MRPL42: variants seen among roughly 807,000 people sequenced by gnomAD.
MRPL42 encodes large ribosomal subunit protein mL42.
MRPL42 carries 17 observed loss-of-function variants against 17.9 expected under a neutral mutation model. The observed-to-expected ratio is 0.95, with a 90% CI of 0.65 to 1.42. The LOEUF (loss-of-function observed/expected upper bound fraction) is 1.42, where lower values mean the gene tolerates loss of function less well. Among genes scored for constraint, MRPL42 ranks in the 40% most tolerant of loss-of-function variants. MRPL42 has a pLI of 0.00. For synonymous variants in MRPL42, 59 were observed against 54.4 expected, an observed-to-expected ratio of 1.08 and a Z score of -0.37; for missense variants, 177 against 175.2, an observed-to-expected ratio of 1.01 and a Z score of -0.06.
At chr12:93,496,830 G>A (rs1953515685) in intron 5 of MRPL42, among the ~76,000 whole-genome samples, 1 of 151,528 alleles carries the variant, frequency 6.6e-6, no homozygotes, top group African/African-American at 2.4e-5. Context: ...GGGGCGGGTG[G>A]GGACGGAGTT....
At chr12:93,490,615 G>A (rs1283175154) in intron 5 of MRPL42, among the ~76,000 whole-genome samples, 1 of 152,166 alleles carries the variant, frequency 6.6e-6, no homozygotes, top group Non-Finnish European at 1.5e-5. Context: ...GTTTCTGGAT[G>A]TCAGTGGCCA....
chr12:93,501,012 C>A, intron 5 of MRPL42, 164 bp from the exon 6 acceptor site: 1 of 546,806 alleles, frequency 1.8e-6, no homozygotes, highest in Non-Finnish European at 3.2e-6. Flanking sequence ...AACAAATTTT[C>A]ACAATGGGAG....
At chr12:93,479,343 C>G in intron 3 of MRPL42, 45 bp from the exon 4 acceptor site, 1 of 1,399,684 alleles carries the variant, frequency 7.1e-7, no homozygotes, top group Non-Finnish European at 9.8e-7. Context: ...ATCATTTTGC[C>G]TTGAATACAG....
intron 2 of MRPL42, among the ~76,000 whole-genome samples, chr12:93,473,380 G>T (rs1194605257): frequency 1.3e-5 from 2 of 151,410 alleles, no homozygotes; most frequent in African/African-American, 4.9e-5. Flanking sequence ...TGCTATCTCA[G>T]TCTCCCAAGT....
At chr12:93,489,413 G>A (rs191565554) in intron 5 of MRPL42, among the ~76,000 whole-genome samples, 69 of 152,132 alleles carry the variant, frequency 4.5e-4, no homozygotes, top group African/African-American at 1.6e-3. Context: ...TAATAAAAGT[G>A]ATTTTTTTGT....
chr12:93,472,246 C>G, intron 2 of MRPL42, among the ~76,000 whole-genome samples: 1 of 152,162 alleles, frequency 6.6e-6, no homozygotes, highest in East Asian at 1.9e-4. Flanking sequence ...GACCTAACTT[C>G]TTATATCCGA....
At chr12:93,485,143 G>A (rs892596514) in intron 4 of MRPL42, among the ~76,000 whole-genome samples, 1 of 145,806 alleles carries the variant, frequency 6.9e-6, no homozygotes, top group African/African-American at 2.5e-5. Flanking sequence ...GTGAGCCACT[G>A]CACGTGGCCC....
chr12:93,478,942 A>ATTTATTTG (rs1282970400), intron 3 of MRPL42, among the ~76,000 whole-genome samples: 3 of 76,564 alleles, frequency 3.9e-5, no homozygotes, highest in African/African-American at 1.1e-4. Flanking sequence ...TTATTTATTT[A>ATTTATTTG]TTTTTTTGAG....
chr12:93,486,819 CT>C (rs1565814641), intron 4 of MRPL42, among the ~76,000 whole-genome samples: 3 of 151,556 alleles, frequency 2.0e-5, no homozygotes, highest in South Asian at 4.2e-4. Flanking sequence ...TGAGGGCTTT[CT>C]TTTTTTCTTT....
intron 4 of MRPL42, among the ~76,000 whole-genome samples, chr12:93,482,527 C>G (rs1325976028): frequency 6.6e-6 from 1 of 152,006 alleles, no homozygotes; most frequent in Non-Finnish European, 1.5e-5. Flanking sequence ...CCTTCCTCTT[C>G]ATGCTTAAGG....
intron 2 of MRPL42, among the ~76,000 whole-genome samples, chr12:93,475,214 A>T (rs1290080010): frequency 2.0e-5 from 3 of 151,990 alleles, no homozygotes; most frequent in African/African-American, 7.3e-5. Context: ...TCCCGGGTTC[A>T]AGTGATTCTC....
chr12:93,491,866 G>T (rs1247845233), intron 5 of MRPL42, among the ~76,000 whole-genome samples: 1 of 152,310 alleles, frequency 6.6e-6, no homozygotes, highest in East Asian at 1.9e-4. Flanking sequence ...AGAACGTGTG[G>T]TATTTGGTTT....
intron 2 of MRPL42, among the ~76,000 whole-genome samples, chr12:93,476,010 AAAG>A (rs557116293): frequency 4.5e-4 from 68 of 152,230 alleles, no homozygotes; most frequent in African/African-American, 1.6e-3. Flanking sequence ...AACAACAAAA[AAAG>A]AAAAACAATT....
At chr12:93,497,442 A>G (rs951915954) in intron 5 of MRPL42, among the ~76,000 whole-genome samples, 1 of 152,224 alleles carries the variant, frequency 6.6e-6, no homozygotes, top group Non-Finnish European at 1.5e-5. Context: ...AAATAAATAA[A>G]TGTGATACAT....
At chr12:93,478,939 TTTA>T (rs201268795) in intron 3 of MRPL42, among the ~76,000 whole-genome samples, 2,815 of 148,184 alleles carry the variant, frequency 0.019, 42 homozygotes, top group Middle Eastern at 0.031. Context: ...TATTTATTTA[TTTA>T]TTTTTTTGAG....
At chr12:93,469,913 T>G (rs540819650) in intron 2 of MRPL42, among the ~76,000 whole-genome samples, 1 of 151,762 alleles carries the variant, frequency 6.6e-6, no homozygotes, top group African/African-American at 2.4e-5. Context: ...AGGGCAGGAG[T>G]AAGGGACTGG....
intron 1 of MRPL42, 75 bp from the exon 2 acceptor site, chr12:93,469,117 A>G: frequency 1.9e-6 from 1 of 535,968 alleles, no homozygotes. Context: ...AGTGATTCTT[A>G]CCTTGTTCTT....
chr12:93,486,583 C>T (rs1880751705), intron 4 of MRPL42, among the ~76,000 whole-genome samples: 1 of 152,218 alleles, frequency 6.6e-6, no homozygotes, highest in African/African-American at 2.4e-5. Context: ...GGTGATCCAC[C>T]TGCCTTGGCC....
chr12:93,484,465 CA>C (rs1448042258), intron 4 of MRPL42, among the ~76,000 whole-genome samples: 3 of 152,092 alleles, frequency 2.0e-5, no homozygotes, highest in Non-Finnish European at 4.4e-5. Context: ...TTGGCACCAC[CA>C]CAAACATGTA....
Sources: allele counts gnomAD v4.1 joint callset (sites outside exome capture counted in the v4.1 genomes callset), GRCh38; gene constraint gnomAD v4.1.1; transcripts MANE v1.5; gene names NCBI Gene and HGNC (gene_info 2026-07-23, HGNC 2026-07-21).